The following FLCN variants were observed in gnomAD, a reference collection of about 807,000 sequenced individuals.
The protein encoded by FLCN is BHD skin lesion fibrofolliculoma protein.
Under a neutral mutation model 62.5 loss-of-function variants are expected in FLCN, and 22 were observed. The observed-to-expected ratio is 0.35, with a 90% confidence interval of 0.25 to 0.50. The LOEUF is 0.50. Among genes scored for constraint, FLCN ranks in the 20% least tolerant of loss-of-function variants. The probability of loss-of-function intolerance (pLI) is 0.97; values close to 1 mark genes in which losing one functional copy is unlikely to be tolerated. For synonymous variants in FLCN, 319 were observed against 310.0 expected (o/e 1.03, Z -0.30); for missense variants, 657 against 778.0 (o/e 0.84, Z 1.85).
rs373648935 is a variant in FLCN, at chr17:17,223,886, C to T, written c.618+36G>A. ...ACAGAGCGGCTCATGCAGTGCAGGG[C>T]CCCCTGCCGCCCCGGCACCTCATCT... is the stretch of plus-strand genomic sequence containing the variant. On this transcript the variant is annotated intron_variant, in intron 6 of 13. Coordinates refer to ENST00000285071, the MANE Select transcript of FLCN (RefSeq NM_144997.7). 257 of 1,604,498 alleles carry T rather than the reference C, an allele frequency of 1.6e-4. No individual in the cohort carries two copies. The highest frequency in any genetic ancestry group is 1.4e-3 in the South Asian group (123 of 90,620).
chr17:17,216,891 G>A lies in FLCN; in HGVS notation c.1176+178C>T, dbSNP rs1326582126. 1.5e-6 allele frequency: 1 copy of A among 667,930 alleles called. No individual in the cohort carries two copies. 41.4% of individuals were successfully genotyped at this position (667,930 alleles called of 1,614,324 possible). On this transcript the variant is annotated intron_variant, in intron 10 of 13. Transcript: ENST00000285071. This position sits in a 1 kb window ranked among gnomAD's most constrained non-coding sequence, Gnocchi z 4.0. ...CAGCAGGCACACGCATCCTTCTGAT[G>A]ATTTAAACATCATCAGACCAGACCC...
In FLCN at chr17:17,216,545, C is replaced by G. The variant is rs1368692323; in HGVS notation, c.1177-42G>C. On this transcript the variant is annotated intron_variant, in intron 10 of 13. Transcript: ENST00000285071. This position sits in a 1 kb window ranked among gnomAD's most constrained non-coding sequence, Gnocchi z 4.0. The stretch of plus-strand genomic sequence containing the variant: ...GACTCAGACCAAGGACACGAGGAAG[C>G]CCTCAGCCCCGGCCATCCATGCTCT... The G allele has an allele frequency of 1.2e-6, 2 of 1,611,540 alleles. No individual in the cohort carries two copies. Among genetic ancestry groups the G allele is most frequent in the Non-Finnish European group, 1.7e-6 (2 of 1,179,404 alleles).
At chr17:17,214,078 C>CGGGTAT (rs1163114712) in intron 13 of FLCN, among the ~76,000 whole-genome samples, 1 of 152,118 alleles carries the variant, frequency 6.6e-6, no homozygotes, top group Non-Finnish European at 1.5e-5. Context: ...GGCCCTCTGT[C>CGGGTAT]GGGTATGGGT....
intron 3 of FLCN, 123 bp from the exon 4 acceptor site, chr17:17,228,284 C>A: frequency 8.2e-7 from 1 of 1,214,244 alleles, no homozygotes; most frequent in Non-Finnish European, 1.1e-6. Flanking sequence ...AGAGGCCACC[C>A]GCCAGTTCCC....
In FLCN at chr17:17,237,049, C is replaced by A. The variant is rs1036891384; in HGVS notation, c.-365G>T. ...ACCGGCGGAATCACACCCAGAGCCC[C>A]CAAGCCCACGGCAGGGATGTCACCC... is the stretch of plus-strand genomic sequence containing the variant. On this transcript the variant is annotated 5_prime_UTR_variant, in exon 1 of 14. Coordinates refer to ENST00000285071, the MANE Select transcript of FLCN (RefSeq NM_144997.7). 5 of 152,276 alleles carry A rather than the reference C, an allele frequency of 3.3e-5. No individual in the cohort carries two copies. The highest frequency in any genetic ancestry group is 1.3e-4 in the Admixed American group (2 of 15,280). 9.4% of individuals were successfully genotyped at this position (152,276 alleles called of 1,614,324 possible).
At chr17:17,221,656 G>GT (rs1351705550) in intron 7 of FLCN, 28 bp from the exon 8 acceptor site, 2 of 1,600,096 alleles carry the variant, frequency 1.2e-6, no homozygotes, top group African/African-American at 2.7e-5. Context: ...AGCTATGAGC[G>GT]TTCTCGCCAA....
rs577488190 is a variant in FLCN at position 17,213,896 on chromosome 17, C to T, written c.1539-40G>A. 8.2e-5 allele frequency: 132 copies of T among 1,609,308 alleles called. 1 individual carries two copies. The highest frequency in any genetic ancestry group is 1.1e-4 in the Non-Finnish European group (131 of 1,177,390). On this transcript the variant is annotated intron_variant, in intron 13 of 13. Transcript: ENST00000285071. ...AACAAAACACTCAGACACCACAGCA[C>T]AATCCCTCGAGCCCTGGTCACGGGG...
At position 17,216,903 on chromosome 17, in the gene FLCN, AT is replaced by A; in HGVS notation, c.1176+165del. The A allele has an allele frequency of 1.5e-6, 1 of 684,432 alleles. No homozygotes were observed. Among genetic ancestry groups the A allele is most frequent in the East Asian group, 2.7e-5 (1 of 36,876 alleles). The allele number at this position is 684,432 out of a possible 1,614,324, so 42.4% of individuals were successfully genotyped here. A position where few individuals can be genotyped will look rare whatever the true frequency, so the allele number is the denominator to read the frequency against. On this transcript the variant is annotated intron_variant, in intron 10 of 13. Coordinates refer to ENST00000285071, the MANE Select transcript of FLCN (RefSeq NM_144997.7). This position sits in a 1 kb window ranked among gnomAD's most constrained non-coding sequence, Gnocchi z 4.0. The stretch of plus-strand genomic sequence containing the variant: ...GCATCCTTCTGATGATTTAAACATC[AT>A]CAGACCAGACCCGGGTCTCCGTGCC...
intron 11 of FLCN, 79 bp from the exon 12 acceptor site, chr17:17,215,395 A>G: frequency 2.5e-6 from 4 of 1,604,734 alleles, no homozygotes; most frequent in Non-Finnish European, 3.4e-6. Context: ...CGTGGGCCCC[A>G]CTCCGCTCAT....
At chr17:17,235,109 CAAAAAA>C (rs34695824) in intron 1 of FLCN, among the ~76,000 whole-genome samples, 1 of 70,622 alleles carries the variant, frequency 1.4e-5, no homozygotes, top group East Asian at 4.1e-4. Flanking sequence ...GACTCCATTT[CAAAAAA>C]AAAAAAAAAA....
At chr17:17,236,454 A>C (rs1036594512) in intron 1 of FLCN, among the ~76,000 whole-genome samples, 7 of 152,170 alleles carry the variant, frequency 4.6e-5, no homozygotes, top group Non-Finnish European at 8.8e-5. Flanking sequence ...TCCCCACTTG[A>C]AGAGACTGCT....
chr17:17,221,532 C>T lies in FLCN; in HGVS notation c.871+5G>A. On this transcript the variant is annotated splice_donor_5th_base_variant and intron_variant, in intron 8 of 13. Coordinates refer to ENST00000285071, the MANE Select transcript of FLCN (RefSeq NM_144997.7). ...AAGGCCCCGGCAACAGCACCCCTGC[C>T]TCACCAGCGAGCTTCTCCATCTGGA... The T allele has an allele frequency of 6.2e-7, 1 of 1,613,598 alleles. No homozygotes were observed. The highest frequency in any genetic ancestry group is 1.6e-4 in the Middle Eastern group (1 of 6,062).
Position 17,228,445 on chromosome 17 carries a change from C to T in FLCN, c.-24-284G>A, listed in dbSNP as rs1320644667. On this transcript the variant is annotated intron_variant, in intron 3 of 13. Transcript: ENST00000285071. ...AGAGCCACAGCCACAAAGCCAACGG[C>T]GCTGGAAAGGAATGTCCTCAAGTGA... is the stretch of plus-strand genomic sequence containing the variant. 1.9e-5 allele frequency: 8 copies of T among 418,970 alleles called. No homozygotes were observed. The South Asian group carries it at 2.1e-4, about 11-fold the overall frequency. 26.0% of individuals were successfully genotyped at this position (418,970 alleles called of 1,614,324 possible).
In FLCN at chr17:17,217,195, G is replaced by C; in HGVS notation, c.1063-13C>G. The stretch of plus-strand genomic sequence containing the variant: ...GGGCACCCAGGACCTAAACAAGAGA[G>C]TGCAGTGCTTTCAGCGTGACTAGTA... On this transcript the variant is annotated splice_polypyrimidine_tract_variant and intron_variant, in intron 9 of 13. Coordinates refer to ENST00000285071, the MANE Select transcript of FLCN (RefSeq NM_144997.7). The C allele has an allele frequency of 6.4e-7, 1 of 1,561,540 alleles. No homozygotes were observed. The highest frequency in any genetic ancestry group is 8.8e-7 in the Non-Finnish European group (1 of 1,132,322).
intron 3 of FLCN, 69 bp from the exon 4 acceptor site, chr17:17,228,230 T>C (rs1705809504): frequency 6.6e-7 from 1 of 1,523,890 alleles, no homozygotes; most frequent in South Asian, 1.2e-5. Flanking sequence ...CCAGCCCCTC[T>C]GGAGCACAGG....
chr17:17,221,501 C>G (rs3744124), intron 8 of FLCN, 36 bp downstream of exon 8: 1 of 1,613,766 alleles, frequency 6.2e-7, no homozygotes, highest in Admixed American at 1.7e-5. Flanking sequence ...CACGGCCATC[C>G]GGGCCAAGGC....
At chr17:17,220,574 G>C (rs571273854) in intron 8 of FLCN, 1 of 152,514 alleles carries the variant, frequency 6.6e-6, no homozygotes, top group Non-Finnish European at 1.5e-5. Context: ...TGATGCCAAA[G>C]GGCAAGCCCT....
In FLCN at chr17:17,215,334, C is replaced by T. The variant is rs186967236; in HGVS notation, c.1301-18G>A. 1.1e-5 allele frequency: 18 copies of T among 1,613,680 alleles called. No homozygotes were observed. Among genetic ancestry groups the T allele is most frequent in the Non-Finnish European group, 1.4e-5 (16 of 1,180,030 alleles). ...AGCAAACTCTGTAACAACACAAGGC[C>T]CGTGGCTCCTCATCTCCCCCATGCT... is the stretch of plus-strand genomic sequence containing the variant. On this transcript the variant is annotated intron_variant, in intron 11 of 13. Coordinates refer to ENST00000285071, the MANE Select transcript of FLCN (RefSeq NM_144997.7).
rs895708601 is a variant in FLCN, at chr17:17,212,398, G to A, written c.*1257C>T. On this transcript the variant is annotated 3_prime_UTR_variant, in exon 14 of 14. Coordinates refer to ENST00000285071, the MANE Select transcript of FLCN (RefSeq NM_144997.7). ...TGTATAGTGGGGGGTACCTGTAGCTGTATGTTGAAGCAGGAGGACTGCTTG... is the reference window on the plus strand; with the variant it reads ...TGTATAGTGGGGGGTACCTGTAGCTATATGTTGAAGCAGGAGGACTGCTTG... 1.3e-5 allele frequency: 2 copies of A among 156,190 alleles called. No individual in the cohort carries two copies. The highest frequency in any genetic ancestry group is 2.7e-5 in the Non-Finnish European group (2 of 72,752). 9.7% of individuals were successfully genotyped at this position (156,190 alleles called of 1,614,324 possible). A position where few individuals can be genotyped will look rare whatever the true frequency, so the allele number is the denominator to read the frequency against.
Sources: allele counts gnomAD v4.1 joint callset (sites outside exome capture counted in the v4.1 genomes callset), GRCh38; gene constraint gnomAD v4.1.1; non-coding constraint Gnocchi (gnomAD v3.1); transcripts MANE v1.5; gene names NCBI Gene and HGNC (gene_info 2026-07-23, HGNC 2026-07-21).